Variants in S100A8 observed in about 807,000 individuals in gnomAD.
S100A8 encodes S100 calcium binding protein A8.
A neutral mutation model predicts 4.2 loss-of-function variants in S100A8; 1 was observed. The ratio of observed to expected loss-of-function variants is 0.24; its 90% CI spans 0.08 to 1.12. The LOEUF is 1.12. S100A8 is among the 50% of genes most tolerant of loss of function. The probability of loss-of-function intolerance (pLI) is 0.53; values close to 1 mark genes in which losing one functional copy is unlikely to be tolerated. For missense variants in S100A8, 96 were observed against 111.8 expected (o/e 0.86, Z 0.64); for synonymous variants, 41 against 44.7 (o/e 0.92, Z 0.33).
the S100A8 span, among the ~76,000 whole-genome samples, chr1:153,412,684 C>T: frequency 1.3e-5 from 2 of 152,272 alleles, no homozygotes; most frequent in Admixed American, 6.5e-5. Flanking sequence ...CACATGCACA[C>T]GTATGTTTAT....
chr1:153,397,496 G>C, the S100A8 span, among the ~76,000 whole-genome samples: 1 of 152,160 alleles, frequency 6.6e-6, no homozygotes, highest in Non-Finnish European at 1.5e-5. Flanking sequence ...GTAGGGGAGA[G>C]GAAAGAGGCA....
At chr1:153,390,271 G>C (rs768248544) in intron 2 of S100A8, 28 bp from the exon 3 acceptor site, 1 of 1,604,392 alleles carries the variant, frequency 6.2e-7, no homozygotes, top group East Asian at 2.2e-5. Flanking sequence ...GAAGAAGCCA[G>C]AGTTTAAAGA....
the S100A8 span, among the ~76,000 whole-genome samples, chr1:153,411,275 A>C: frequency 6.6e-6 from 1 of 152,252 alleles, no homozygotes; most frequent in Non-Finnish European, 1.5e-5. Context: ...AAGCAACTTC[A>C]GCAAAGTCTC....
chr1:153,408,969 T>C, the S100A8 span, among the ~76,000 whole-genome samples: 5 of 152,150 alleles, frequency 3.3e-5, no homozygotes, highest in African/African-American at 1.2e-4. Flanking sequence ...CAAGAGCTCC[T>C]GAAGGAAGCA....
chr1:153,410,885 A>G, the S100A8 span, among the ~76,000 whole-genome samples: 1 of 152,332 alleles, frequency 6.6e-6, no homozygotes, highest in Admixed American at 6.5e-5. Flanking sequence ...AATCCACATG[A>G]TTATCTCAAT....
At chr1:153,393,685 T>C (rs1284231628), upstream of S100A8, among the ~76,000 whole-genome samples, 1 of 152,210 alleles carries the variant, frequency 6.6e-6, no homozygotes, top group Non-Finnish European at 1.5e-5. Flanking sequence ...TTAATACCTA[T>C]TATTCACCAC....
chr1:153,411,601 G>C, the S100A8 span, among the ~76,000 whole-genome samples: 12,881 of 152,200 alleles, frequency 0.085, 641 homozygotes, highest in Non-Finnish European at 0.12. Context: ...AGCTACCAAT[G>C]ACTTTCTTCA....
At chr1:153,414,035 ATAT>A in the S100A8 span, among the ~76,000 whole-genome samples, 1 of 152,200 alleles carries the variant, frequency 6.6e-6, no homozygotes, top group African/African-American at 2.4e-5. Context: ...TCTTGTATTA[ATAT>A]TGTTGTCCCT....
the S100A8 span, among the ~76,000 whole-genome samples, chr1:153,412,659 A>G: frequency 1.3e-3 from 198 of 152,366 alleles, no homozygotes; most frequent in Non-Finnish European, 1.4e-3. Context: ...ATTATAAATC[A>G]TGCTGCTATA....
At chr1:153,411,646 G>T in the S100A8 span, among the ~76,000 whole-genome samples, 2 of 152,094 alleles carry the variant, frequency 1.3e-5, no homozygotes, top group African/African-American at 4.8e-5. Flanking sequence ...AAATTCATAT[G>T]GAACCAAAAA....
the S100A8 span, chr1:153,418,140 T>A: frequency 1.2e-6 from 2 of 1,614,122 alleles, no homozygotes; most frequent in Non-Finnish European, 8.5e-7. Context: ...GTTTCACAAA[T>A]ACACCGGACG....
the S100A8 span, chr1:153,419,494 C>T: frequency 1.5e-6 from 1 of 661,414 alleles, no homozygotes; most frequent in Non-Finnish European, 2.6e-6. Context: ...AATGTCCCTC[C>T]AGCAACGTTC....
the S100A8 span, among the ~76,000 whole-genome samples, chr1:153,405,340 G>A: frequency 3.3e-5 from 5 of 150,050 alleles, no homozygotes. Flanking sequence ...GATGGTGGGT[G>A]TTAGTCCAAA....
the S100A8 span, among the ~76,000 whole-genome samples, chr1:153,397,055 C>T: frequency 6.6e-6 from 1 of 152,218 alleles, no homozygotes; most frequent in East Asian, 1.9e-4. Flanking sequence ...CTGCAGTGCC[C>T]GAGAAGCACT....
At chr1:153,404,333 T>A in the S100A8 span, among the ~76,000 whole-genome samples, 1 of 152,212 alleles carries the variant, frequency 6.6e-6, no homozygotes, top group Non-Finnish European at 1.5e-5. Context: ...AGGCCCAGTG[T>A]GGGGCTGAAA....
the S100A8 span, chr1:153,419,059 T>C: frequency 1.4e-6 from 2 of 1,422,632 alleles, no homozygotes; most frequent in Non-Finnish European, 2.0e-6. Context: ...GGTACTTGTC[T>C]GTATCTCTGC....
At chr1:153,408,253 T>G in the S100A8 span, among the ~76,000 whole-genome samples, 3 of 152,138 alleles carry the variant, frequency 2.0e-5, no homozygotes, top group South Asian at 6.2e-4. Context: ...AATGGCTAAC[T>G]AGAATAGACA....
chr1:153,414,556 T>C, the S100A8 span, among the ~76,000 whole-genome samples: 1 of 152,184 alleles, frequency 6.6e-6, no homozygotes, highest in East Asian at 1.9e-4. Context: ...AAAACAACAA[T>C]GAGATACCAG....
At position 153,390,075 on chromosome 1, in the gene S100A8, G is replaced by C. The variant is rs369968998; in HGVS notation, c.*28C>G. 2.0e-5 allele frequency: 32 copies of C among 1,596,288 alleles called. No individual in the cohort carries two copies. Among genetic ancestry groups the C allele is most frequent in the African/African-American group, 1.8e-4 (13 of 73,702 alleles). On this transcript the variant is annotated 3_prime_UTR_variant, in exon 3 of 3. Transcript: ENST00000368733. ...ATTATTCTGCAGGTACATGTCCAGG[G>C]GCCCAGCCTCTGGGCCCAGTAACTC...
Sources: allele counts gnomAD v4.1 joint callset (sites outside exome capture counted in the v4.1 genomes callset), GRCh38; gene constraint gnomAD v4.1.1; transcripts MANE v1.5; gene names NCBI Gene and HGNC (gene_info 2026-07-23, HGNC 2026-07-21).